MLANA: variants seen among roughly 807,000 people sequenced by gnomAD.
The protein encoded by MLANA is melanoma antigen recognized by T-cells 1.
Under a neutral mutation model 15.7 loss-of-function variants are expected in MLANA, and 21 were observed. That is an observed-to-expected ratio of 1.33 (90% confidence interval 0.95 to 1.92). MLANA has a LOEUF of 1.92. MLANA is among the 40% of genes most tolerant of loss of function. The pLI is 0.00. For synonymous variants in MLANA, 56 were observed against 51.5 expected (o/e 1.09, Z -0.37); for missense variants, 164 against 143.8 (o/e 1.14, Z -0.72).
chr9:5,897,569 C>G lies in MLANA; in HGVS notation c.90C>G (p.Ile30Met). 6.2e-7 allele frequency: 1 copy of G among 1,614,098 alleles called. No homozygotes were observed. Among genetic ancestry groups the G allele is most frequent in the South Asian group, 1.1e-5 (1 of 91,080 alleles). Residue 30 changes from isoleucine (I) to methionine (M), a missense_variant, in exon 3 of 5, where the codon ATC (isoleucine) becomes ATG (methionine). By Grantham distance (10) the Ile-to-Met change is conservative. Coordinates refer to ENST00000381477, the MANE Select transcript of MLANA (RefSeq NM_005511.2). ...SYTTAEEAAG[I>M]GILTVILGVL... ...TCTCTTGGGCCAGGGCCGCTGGGAT[C>G]GGCATCCTGACAGTGATCCTGGGAG...
chr9:5,909,386 G>A lies in MLANA; in HGVS notation c.*678G>A, dbSNP rs1833024097. 6.6e-6 allele frequency: 1 copy of A among 152,370 alleles called. No homozygotes were observed. The highest frequency in any genetic ancestry group is 6.5e-5 in the Admixed American group (1 of 15,288). 9.4% of individuals were successfully genotyped at this position (152,370 alleles called of 1,614,324 possible). ...CAATTCTCCTGCCTTAGCCTCCTGA[G>A]TAGCTGGGATTACAGGCGTGCGCCA... On this transcript the variant is annotated 3_prime_UTR_variant, in exon 5 of 5. Transcript: ENST00000381477.
chr9:5,893,214 G>A lies in MLANA; in HGVS notation c.77+663G>A, dbSNP rs181900317. On this transcript the variant is annotated intron_variant, in intron 2 of 4. Transcript: ENST00000381477. ...GATTAATTTCAGCAAATGTAAGTGC[G>A]GTAATGAAAACCCAGAGGCTGCAGG... Among the ~76,000 whole-genome samples the A allele has an allele frequency of 1.1e-3, 163 of 152,256 alleles. 2 individuals carry two copies. The highest frequency in any genetic ancestry group is 8.2e-3 in the Admixed American group (125 of 15,288).
At chr9:5,899,609 C>T (rs780085608) in intron 3 of MLANA, among the ~76,000 whole-genome samples, 2 of 152,146 alleles carry the variant, frequency 1.3e-5, no homozygotes, top group Non-Finnish European at 2.9e-5. Flanking sequence ...CCTGCTCATA[C>T]GGCTGTCCAC....
intron 2 of MLANA, among the ~76,000 whole-genome samples, chr9:5,893,023 T>C (rs921111030): frequency 1.3e-5 from 2 of 152,154 alleles, no homozygotes; most frequent in Non-Finnish European, 2.9e-5. Flanking sequence ...GTCACAGCCT[T>C]TGCAGTATAA....
chr9:5,904,564 C>A (rs1832673930), intron 3 of MLANA, among the ~76,000 whole-genome samples: 1 of 152,040 alleles, frequency 6.6e-6, no homozygotes, highest in Non-Finnish European at 1.5e-5. Flanking sequence ...CCTCTGCCTC[C>A]CAGGTTCAAG....
At chr9:5,893,269 A>G (rs1050002524) in intron 2 of MLANA, among the ~76,000 whole-genome samples, 1 of 152,098 alleles carries the variant, frequency 6.6e-6, no homozygotes, top group African/African-American at 2.4e-5. Flanking sequence ...GGGAGTGGGA[A>G]AGGGACATAC....
intron 1 of MLANA, among the ~76,000 whole-genome samples, chr9:5,891,561 A>G (rs117481331): frequency 0.024 from 3,584 of 152,264 alleles, 65 homozygotes; most frequent in Non-Finnish European, 0.038. Flanking sequence ...TGGGGATCAC[A>G]CCTTTGAAAT....
chr9:5,907,233 T>A (rs570706927), intron 4 of MLANA: 2 of 280,906 alleles, frequency 7.1e-6, no homozygotes, highest in South Asian at 2.4e-4. Flanking sequence ...TGTTGTCACA[T>A]ACCCAGTGTT....
intron 3 of MLANA, among the ~76,000 whole-genome samples, chr9:5,900,760 T>C (rs1251142805): frequency 1.3e-5 from 2 of 152,390 alleles, no homozygotes; most frequent in East Asian, 3.9e-4. Flanking sequence ...GGCTGCTTTT[T>C]GTAGCAACAG....
Position 5,910,011 on chromosome 9 carries a change from T to C in MLANA, c.*1303T>C, listed in dbSNP as rs764688174. The C allele has an allele frequency of 6.6e-6, 1 of 152,188 alleles. No individual in the cohort carries two copies. Among genetic ancestry groups the C allele is most frequent in the Non-Finnish European group, 1.5e-5 (1 of 68,032 alleles). The allele number at this position is 152,188 out of a possible 1,614,324, so 9.4% of individuals were successfully genotyped here. A position where few individuals can be genotyped will look rare whatever the true frequency, so the allele number is the denominator to read the frequency against. Reference sequence around the variant, plus strand: ...CATTTTCCATAGTAGAGGATAACTATAACAACGAAGATAATGAAAGTAATT... The same window carrying C: ...CATTTTCCATAGTAGAGGATAACTACAACAACGAAGATAATGAAAGTAATT... On this transcript the variant is annotated 3_prime_UTR_variant, in exon 5 of 5. Coordinates refer to ENST00000381477, the MANE Select transcript of MLANA (RefSeq NM_005511.2).
intron 4 of MLANA, among the ~76,000 whole-genome samples, chr9:5,907,814 G>A (rs573767844): frequency 5.9e-5 from 9 of 152,248 alleles, no homozygotes; most frequent in South Asian, 2.1e-4. Flanking sequence ...TTAGCCAAGC[G>A]TGGTGGTGCA....
intron 3 of MLANA, among the ~76,000 whole-genome samples, chr9:5,904,133 A>T (rs1832636159): frequency 6.6e-6 from 1 of 152,140 alleles, no homozygotes; most frequent in Non-Finnish European, 1.5e-5. Flanking sequence ...GCTTGGGATT[A>T]CAGGTGTGAG....
chr9:5,904,742 G>A (rs912209915), intron 3 of MLANA, among the ~76,000 whole-genome samples: 2 of 150,992 alleles, frequency 1.3e-5, no homozygotes, highest in African/African-American at 4.9e-5. Flanking sequence ...TAGGATTACA[G>A]GCGTGAGCCA....
rs1003043364 is a variant in MLANA at position 5,909,406 on chromosome 9, G to A, written c.*698G>A. On this transcript the variant is annotated 3_prime_UTR_variant, in exon 5 of 5. Coordinates refer to ENST00000381477, the MANE Select transcript of MLANA (RefSeq NM_005511.2). ...CCTGAGTAGCTGGGATTACAGGCGT[G>A]CGCCACTATGCCTGACTAATTTTGT... 1.3e-5 allele frequency: 2 copies of A among 152,334 alleles called. No individual in the cohort carries two copies. The highest frequency in any genetic ancestry group is 2.9e-5 in the Non-Finnish European group (2 of 68,196). The allele number at this position is 152,334 out of a possible 1,614,324, so 9.4% of individuals were successfully genotyped here.
intron 3 of MLANA, chr9:5,898,907 G>C (rs1054086195): frequency 1.3e-5 from 2 of 152,154 alleles, no homozygotes; most frequent in African/African-American, 4.8e-5. Context: ...TTCTTAGATG[G>C]CCAAAGGTTT....
chr9:5,899,532 A>C (rs916247651), intron 3 of MLANA, among the ~76,000 whole-genome samples: 2 of 152,158 alleles, frequency 1.3e-5, no homozygotes, highest in African/African-American at 4.8e-5. Context: ...GATGAATCTG[A>C]ACAAGACTCC....
At chr9:5,893,108 A>T (rs77818186) in intron 2 of MLANA, among the ~76,000 whole-genome samples, 8,237 of 152,294 alleles carry the variant, frequency 0.054, 712 homozygotes, top group African/African-American at 0.18. Context: ...GCATTTCTAA[A>T]TGCTAAGCAT....
chr9:5,899,260 G>A (rs538495817), intron 3 of MLANA: 2 of 152,208 alleles, frequency 1.3e-5, no homozygotes, highest in African/African-American at 4.8e-5. Flanking sequence ...AAGGTCCTGT[G>A]AAAGAGAGGA....
chr9:5,894,747 C>T lies in MLANA; in HGVS notation c.77+2196C>T, dbSNP rs1410774882. Among the ~76,000 whole-genome samples the T allele has an allele frequency of 6.6e-6, 1 of 152,186 alleles. No homozygotes were observed. The highest frequency in any genetic ancestry group is 1.9e-4 in the East Asian group (1 of 5,192). ...AGCACACTGGAAGGAGCTGCTCCTT[C>T]TTGATGCCCCAGGTTTGTAGGCACC... On this transcript the variant is annotated intron_variant, in intron 2 of 4. Coordinates refer to ENST00000381477, the MANE Select transcript of MLANA (RefSeq NM_005511.2). The surrounding 1 kb of genome is among the most constrained non-coding windows in gnomAD (Gnocchi z 4.0).
Sources: gnomAD v4.1 joint callset for allele counts (sites outside exome capture counted in the v4.1 genomes callset) on GRCh38, gnomAD v4.1.1 for gene constraint, Gnocchi (gnomAD v3.1) non-coding constraint, MANE v1.5 for transcripts, NCBI Gene and HGNC (gene_info 2026-07-23, HGNC 2026-07-21) for gene names.